The following CCDC27 variants were observed in gnomAD, a reference collection of about 807,000 sequenced individuals.
The protein encoded by CCDC27 is coiled-coil domain-containing protein 27.
In CCDC27, 80 loss-of-function variants were observed where a neutral mutation model predicts 80.3. The ratio of observed to expected loss-of-function variants is 1.00; its 90% CI spans 0.83 to 1.20. The LOEUF is 1.20. Among genes scored for constraint, CCDC27 ranks in the 50% most tolerant of loss-of-function variants. The pLI is 0.00. For missense variants in CCDC27, 815 were observed against 809.4 expected, an observed-to-expected ratio of 1.01 and a Z score of -0.08; for synonymous variants, 342 against 334.3, an observed-to-expected ratio of 1.02 and a Z score of -0.25.
rs563694241 is a variant in CCDC27, at chr1:3,752,708, G to C, written c.227G>C (p.Arg76Pro). Residue 76 changes from arginine to proline, a missense_variant, in exon 1 of 12, where the codon CGG becomes CCG. By Grantham distance (103) the Arg-to-Pro change is moderately radical. Coordinates refer to ENST00000294600, the MANE Select transcript of CCDC27 (RefSeq NM_152492.3). ...ALVLLQSMAS[R>P]DARCPEWKPH... ...GTGCTCCTCCAGAGCATGGCCAGCC[G>C]GGACGCCCGGTGCCCAGAATGGAAA... 114 of 1,613,754 alleles carry C rather than the reference G, an allele frequency of 7.1e-5. No homozygotes were observed. The highest frequency in any genetic ancestry group is 9.6e-5 in the Non-Finnish European group (113 of 1,180,038).
At chr1:3,764,764 G>A (rs187446758) in intron 8 of CCDC27, among the ~76,000 whole-genome samples, 427 of 152,230 alleles carry the variant, frequency 2.8e-3, no homozygotes, top group Non-Finnish European at 4.8e-3. Flanking sequence ...GGCTGAGCAC[G>A]ATGGCTCACA....
intron 11 of CCDC27, among the ~76,000 whole-genome samples, chr1:3,770,576 G>A (rs78001984): frequency 4.4e-3 from 670 of 152,336 alleles, no homozygotes; most frequent in African/African-American, 0.015. Flanking sequence ...TGTGTACTAC[G>A]AAGGGGTCAC....
rs180853598 is a variant in CCDC27, at chr1:3,763,878, G to C, written c.1452+42G>C. 42 of 1,603,044 alleles carry C rather than the reference G, an allele frequency of 2.6e-5. No homozygotes were observed. Among genetic ancestry groups the C allele is most frequent in the Admixed American group, 8.4e-5 (5 of 59,266 alleles). On this transcript the variant is annotated intron_variant, in intron 8 of 11. Transcript: ENST00000294600. This position sits in a 1 kb window ranked among gnomAD's most constrained non-coding sequence, Gnocchi z 7.5. ...TACCGGCCTCCGCTCCATGAGCATGGGCCCCAGGCTTCATTAACCCCCGGC... is the reference window on the plus strand; with the variant it reads ...TACCGGCCTCCGCTCCATGAGCATGCGCCCCAGGCTTCATTAACCCCCGGC...
chr1:3,769,561 G>A lies in CCDC27; in HGVS notation c.1744-222G>A, dbSNP rs1367508067. ...GTGTAGGAGAGTCTTTGGGCTTTGG[G>A]GCTGGGCCGCACAGGGTCAGGGGTT... On this transcript the variant is annotated intron_variant, in intron 10 of 11. Transcript: ENST00000294600. This position sits in a 1 kb window ranked among gnomAD's most constrained non-coding sequence, Gnocchi z 4.6. Among the ~76,000 whole-genome samples, 1 of 152,034 alleles carries A rather than the reference G, an allele frequency of 6.6e-6. No individual in the cohort carries two copies. The highest frequency in any genetic ancestry group is 1.5e-5 in the Non-Finnish European group (1 of 68,016).
chr1:3,757,039 C>A, intron 4 of CCDC27, 149 bp downstream of exon 4: 1 of 912,772 alleles, frequency 1.1e-6, no homozygotes. Flanking sequence ...ACCTCCAGAC[C>A]CCCTGCTTTG....
At chr1:3,765,075 G>C (rs1379990135) in intron 8 of CCDC27, among the ~76,000 whole-genome samples, 6 of 150,970 alleles carry the variant, frequency 4.0e-5, no homozygotes, top group Non-Finnish European at 7.4e-5. Flanking sequence ...GTAAAGTTTT[G>C]GGGACAGGAT....
At position 3,763,489 on chromosome 1, in the gene CCDC27, G is replaced by T. The variant is rs748884236; in HGVS notation, c.1321+15G>T. 6 of 1,575,640 alleles carry T rather than the reference G, an allele frequency of 3.8e-6. No homozygotes were observed. Among genetic ancestry groups the T allele is most frequent in the Non-Finnish European group, 4.3e-6 (5 of 1,160,872 alleles). On this transcript the variant is annotated intron_variant, in intron 7 of 11. Transcript: ENST00000294600. This position sits in a 1 kb window ranked among gnomAD's most constrained non-coding sequence, Gnocchi z 7.5. ...CCTTGCAACAGGTAGGGCCTCGGCG[G>T]GGGGCACTGGGCTTTGGCCACTCAG...
chr1:3,765,216 G>C (rs1408995887), intron 8 of CCDC27, among the ~76,000 whole-genome samples: 7 of 152,152 alleles, frequency 4.6e-5, no homozygotes, highest in Non-Finnish European at 1.0e-4. Flanking sequence ...CCGATGATAA[G>C]TCCAAAGTCG....
Position 3,754,665 on chromosome 1 carries a change from C to A in CCDC27, c.442+424C>A, listed in dbSNP as rs978012146. On this transcript the variant is annotated intron_variant, in intron 2 of 11. Transcript: ENST00000294600. ...AAACCCTTCACTGCTCTGATGAGAA[C>A]AGGAGGCTTGGAGCAGGCAGCTGCC... Among the ~76,000 whole-genome samples, 21 of 152,158 alleles carry A rather than the reference C, an allele frequency of 1.4e-4. 1 individual carries two copies. Among genetic ancestry groups the A allele is most frequent in the African/African-American group, 3.9e-4 (16 of 41,402 alleles).
rs1163540191 is a variant in CCDC27, at chr1:3,767,355, G to T, written c.1653G>T (p.Lys551Asn). Residue 551 changes from lysine (K) to asparagine (N), a missense_variant, in exon 10 of 12, where the codon AAG becomes AAT. Physicochemically the swap from Lys to Asn is moderately conservative, Grantham distance 94. Coordinates refer to ENST00000294600, the MANE Select transcript of CCDC27 (RefSeq NM_152492.3). ...ACCAGAACCACCTGCAGAGGTGGAA[G>T]CAGCTGCAGGAGGATTTGCAGAGCA... ...ELDQNHLQRWKQLQEDLQSKK... is the reference protein window; with the variant it reads ...ELDQNHLQRWNQLQEDLQSKK... 6.2e-7 allele frequency: 1 copy of T among 1,613,876 alleles called. No individual in the cohort carries two copies. Among genetic ancestry groups the T allele is most frequent in the Non-Finnish European group, 8.5e-7 (1 of 1,180,020 alleles).
rs757376567 is a variant in CCDC27, at chr1:3,755,511, G to C, written c.497G>C (p.Trp166Ser). 3.7e-6 allele frequency: 6 copies of C among 1,614,064 alleles called. No homozygotes were observed. Among genetic ancestry groups the C allele is most frequent in the Non-Finnish European group, 5.1e-6 (6 of 1,180,042 alleles). Residue 166 changes from tryptophan (W) to serine (S), a missense_variant, in exon 3 of 12, where the codon TGG becomes TCG. Trp to Ser is a radical substitution (Grantham distance 177). Coordinates refer to ENST00000294600, the MANE Select transcript of CCDC27 (RefSeq NM_152492.3). ...SGEIDNSSET[W>S]RGTQDLFLAR... ...GAGATTGACAACAGCTCGGAGACCT[G>C]GAGAGGCACCCAGGACCTGTTCTTG... is the stretch of plus-strand genomic sequence containing the variant.
chr1:3,767,277 C>A lies in CCDC27; in HGVS notation c.1575C>A (p.Val525=). ...LERKLTKRDC[V]ISELDTKVSQ... ...GAAAGCTCACCAAGCGGGACTGTGT[C>A]ATCTCAGAGTTGGACACCAAGGTCA... The change falls in exon 10 of 12, where the codon GTC becomes GTA. Residue 525 remains valine, a synonymous_variant. Coordinates refer to ENST00000294600, the MANE Select transcript of CCDC27 (RefSeq NM_152492.3). 2 of 1,614,056 alleles carry A rather than the reference C, an allele frequency of 1.2e-6. No homozygotes were observed. The highest frequency in any genetic ancestry group is 1.1e-5 in the South Asian group (1 of 91,058).
intron 1 of CCDC27, among the ~76,000 whole-genome samples, chr1:3,753,387 G>C (rs946308984): frequency 6.8e-6 from 1 of 147,406 alleles, no homozygotes; most frequent in Non-Finnish European, 1.5e-5. Context: ...GCAATGGCGC[G>C]ATCTTGGCTC....
At position 3,761,219 on chromosome 1, in the gene CCDC27, A is replaced by G. The variant is rs1643076359; in HGVS notation, c.712-62A>G. The G allele has an allele frequency of 6.4e-7, 1 of 1,574,786 alleles. No individual in the cohort carries two copies. The highest frequency in any genetic ancestry group is 1.4e-5 in the African/African-American group (1 of 73,750). ...TGCTCCTCCTGGGTGGGCTGGAGGC[A>G]GGTCAGGGGAAGAGTGTGTGGCTGC... On this transcript the variant is annotated intron_variant, in intron 4 of 11. Coordinates refer to ENST00000294600, the MANE Select transcript of CCDC27 (RefSeq NM_152492.3). The surrounding 1 kb of genome is among the most constrained non-coding windows in gnomAD (Gnocchi z 5.0).
At chr1:3,757,600 C>G (rs997358396) in intron 4 of CCDC27, among the ~76,000 whole-genome samples, 5 of 152,020 alleles carry the variant, frequency 3.3e-5, no homozygotes, top group African/African-American at 1.2e-4. Flanking sequence ...TACCACCACA[C>G]CTGGCTACTT....
At chr1:3,770,256 C>G (rs1316366693) in intron 11 of CCDC27, among the ~76,000 whole-genome samples, 1 of 152,200 alleles carries the variant, frequency 6.6e-6, no homozygotes, top group Non-Finnish European at 1.5e-5. Context: ...TGGTCCCCTC[C>G]GCTGGTATCA....
intron 11 of CCDC27, among the ~76,000 whole-genome samples, chr1:3,770,201 G>C (rs1458886114): frequency 1.3e-5 from 2 of 152,162 alleles, no homozygotes; most frequent in Admixed American, 6.5e-5. Flanking sequence ...CTCAGGGCAC[G>C]AAGATTCTCC....
At chr1:3,771,363 C>T in intron 11 of CCDC27, 38 bp from the exon 12 acceptor site, 1 of 1,612,972 alleles carries the variant, frequency 6.2e-7, no homozygotes, top group Non-Finnish European at 8.5e-7. Flanking sequence ...AGGTGAGGAA[C>T]TGGGAAGGCC....
In CCDC27 at chr1:3,752,586, C is replaced by T; in HGVS notation, c.105C>T (p.Ser35=). The T allele has an allele frequency of 2.5e-6, 4 of 1,614,226 alleles. No individual in the cohort carries two copies. Among genetic ancestry groups the T allele is most frequent in the African/African-American group, 1.3e-5 (1 of 75,074 alleles). The change falls in exon 1 of 12, where the codon AGC becomes AGT. Residue 35 remains serine (S), a synonymous_variant. Transcript: ENST00000294600. ...SSFRSTFRQQ[S]SLGLCIPRLM... ...TCAGGTCCACATTCAGGCAACAAAG[C>T]TCACTTGGTCTTTGCATCCCACGCC...
Sources: gnomAD v4.1 joint callset for allele counts (sites outside exome capture counted in the v4.1 genomes callset) on GRCh38, gnomAD v4.1.1 for gene constraint, Gnocchi (gnomAD v3.1) non-coding constraint, MANE v1.5 for transcripts, NCBI Gene and HGNC (gene_info 2026-07-23, HGNC 2026-07-21) for gene names.